The following STK32A variants were observed in gnomAD, a reference collection of about 807,000 sequenced individuals.
The protein encoded by STK32A is serine/threonine-protein kinase 32A.
A neutral mutation model predicts 53.2 loss-of-function variants in STK32A; 41 were observed. That is an observed-to-expected ratio of 0.77 (90% CI 0.60 to 1.00). STK32A has a LOEUF of 1.00. Among genes scored for constraint, STK32A ranks in the 50% least tolerant of loss-of-function variants. The pLI, the probability that STK32A is intolerant of heterozygous loss-of-function variation, is 0.00. For missense variants in STK32A, 458 were observed against 485.8 expected, an observed-to-expected ratio of 0.94 and a Z score of 0.54; for synonymous variants, 166 against 162.8, an observed-to-expected ratio of 1.02 and a Z score of -0.15.
chr5:147,240,584 G>T (rs932706545), intron 2 of STK32A, among the ~76,000 whole-genome samples: 8 of 152,176 alleles, frequency 5.3e-5, no homozygotes, highest in Non-Finnish European at 8.8e-5. Context: ...TGAGGAGATA[G>T]GTTCCTTCCC....
At chr5:147,323,744 T>C (rs1754433328) in intron 4 of STK32A, among the ~76,000 whole-genome samples, 154 bp from the exon 5 acceptor site, 1 of 152,204 alleles carries the variant, frequency 6.6e-6, no homozygotes, top group Non-Finnish European at 1.5e-5. Flanking sequence ...ACTAAAGGCC[T>C]AAGGTGATAG....
chr5:147,260,299 C>G (rs925820135), intron 2 of STK32A, among the ~76,000 whole-genome samples: 9 of 39,084 alleles, frequency 2.3e-4, no homozygotes, highest in African/African-American at 5.8e-4. Context: ...TCGCCTGTCT[C>G]TCTCTCTCTC....
At position 147,384,101 on chromosome 5, in the gene STK32A, G is replaced by A. The variant is rs185512764; in HGVS notation, c.*118G>A. 1.2e-4 allele frequency: 174 copies of A among 1,493,232 alleles called. No individual in the cohort carries two copies. In the African/African-American group the frequency reaches 2.2e-3, roughly 19 times the overall value. The allele number at this position is 1,493,232 out of a possible 1,614,324, so 92.5% of individuals were successfully genotyped here. ...ACACCATGACTTAGAAAATGTGAAT[G>A]AATATATTTCAAAAAAGGCAGCACA... On this transcript the variant is annotated 3_prime_UTR_variant, in exon 13 of 13. Coordinates refer to ENST00000397936, the MANE Select transcript of STK32A (RefSeq NM_001112724.2).
intron 10 of STK32A, among the ~76,000 whole-genome samples, chr5:147,373,714 T>C (rs1345036856): frequency 6.6e-6 from 1 of 152,148 alleles, no homozygotes; most frequent in Non-Finnish European, 1.5e-5. Context: ...GTGAGGAATT[T>C]ATTTTAGCAT....
At chr5:147,250,597 T>A (rs1753944489) in intron 2 of STK32A, among the ~76,000 whole-genome samples, 1 of 151,504 alleles carries the variant, frequency 6.6e-6, no homozygotes, top group Non-Finnish European at 1.5e-5. Flanking sequence ...TTTAGTGGAG[T>A]GTGGAGGCCT....
At chr5:147,243,147 A>T (rs1753650459) in intron 2 of STK32A, among the ~76,000 whole-genome samples, 1 of 124,224 alleles carries the variant, frequency 8.0e-6, no homozygotes, top group African/African-American at 2.9e-5. Flanking sequence ...AAAGATTTTT[A>T]AAAATATTTT....
intron 4 of STK32A, among the ~76,000 whole-genome samples, chr5:147,282,363 C>CT (rs1251333957): frequency 1.3e-5 from 2 of 152,042 alleles, no homozygotes; most frequent in Non-Finnish European, 2.9e-5. Flanking sequence ...AGCTTTAGCT[C>CT]TTTTTTGGTT....
chr5:147,371,713 T>G (rs1161205743), intron 9 of STK32A, among the ~76,000 whole-genome samples: 3 of 152,196 alleles, frequency 2.0e-5, no homozygotes, highest in Non-Finnish European at 2.9e-5. Flanking sequence ...GGACTTATCT[T>G]ATTGAAGAGG....
intron 11 of STK32A, among the ~76,000 whole-genome samples, chr5:147,379,361 ATG>A (rs1757364882): frequency 6.6e-6 from 1 of 152,060 alleles, no homozygotes; most frequent in Non-Finnish European, 1.5e-5. Flanking sequence ...AGAATCTAGG[ATG>A]TGATAAACTA....
chr5:147,400,669 C>T, the STK32A span: 1 of 1,610,270 alleles, frequency 6.2e-7, no homozygotes, highest in Non-Finnish European at 8.5e-7. Flanking sequence ...TCTGGCCACC[C>T]TCCCATGACC....
At chr5:147,257,260 G>A (rs1281026816) in intron 2 of STK32A, among the ~76,000 whole-genome samples, 1 of 151,852 alleles carries the variant, frequency 6.6e-6, no homozygotes, top group East Asian at 1.9e-4. Context: ...GCGGGGCGGG[G>A]GGTAGGACTC....
intron 2 of STK32A, chr5:147,239,902 T>C (rs1753492840): frequency 1.3e-5 from 7 of 534,306 alleles, no homozygotes; most frequent in East Asian, 3.2e-5. Flanking sequence ...ATCTCCACTA[T>C]ACCAATGTCC....
At chr5:147,394,481 A>G in the STK32A span, among the ~76,000 whole-genome samples, 15 of 152,140 alleles carry the variant, frequency 9.9e-5, no homozygotes, top group Non-Finnish European at 1.8e-4. Context: ...GGTTTGAGAG[A>G]GGTGCCCTTA....
chr5:147,269,556 A>C (rs4419634), intron 2 of STK32A, among the ~76,000 whole-genome samples: 1 of 151,958 alleles, frequency 6.6e-6, no homozygotes, highest in African/African-American at 2.4e-5. Flanking sequence ...CACTGAGGAG[A>C]GTCACGTTTA....
chr5:147,383,833 A>G (rs941747911), intron 12 of STK32A, 57 bp from the exon 13 acceptor site: 4 of 1,324,538 alleles, frequency 3.0e-6, no homozygotes, highest in Non-Finnish European at 4.1e-6. Context: ...AAAAGCTTAA[A>G]CCTTTCATTT....
chr5:147,293,973 T>G (rs888872324), intron 4 of STK32A, among the ~76,000 whole-genome samples: 2 of 152,152 alleles, frequency 1.3e-5, no homozygotes, highest in Non-Finnish European at 2.9e-5. Flanking sequence ...AACAAATCCA[T>G]ACAATCTCAG....
chr5:147,318,288 T>C (rs868787672), intron 4 of STK32A, among the ~76,000 whole-genome samples: 1 of 152,184 alleles, frequency 6.6e-6, no homozygotes, highest in Non-Finnish European at 1.5e-5. Context: ...AAAAAGAATA[T>C]AGATCTGTCT....
chr5:147,353,129 C>T (rs1756061811), intron 7 of STK32A, among the ~76,000 whole-genome samples: 1 of 149,250 alleles, frequency 6.7e-6, no homozygotes, highest in South Asian at 2.2e-4. Context: ...TGTGAGGACC[C>T]CTCTGCCTCG....
chr5:147,386,485 T>C lies in STK32A; in HGVS notation c.*2502T>C, dbSNP rs1490121866. ...TGGGAAATTTTTCTGTAATTACACT[T>C]ACCAAAGAGCCATGGAACCATTAGG... On this transcript the variant is annotated 3_prime_UTR_variant, in exon 13 of 13. Transcript: ENST00000397936. 2 of 152,190 alleles carry C rather than the reference T, an allele frequency of 1.3e-5. No individual in the cohort carries two copies. Among genetic ancestry groups the C allele is most frequent in the African/African-American group, 4.8e-5 (2 of 41,454 alleles). The allele number at this position is 152,190 out of a possible 1,614,324, so 9.4% of individuals were successfully genotyped here. A position where few individuals can be genotyped will look rare whatever the true frequency, so the allele number is the denominator to read the frequency against.
Sources: allele counts gnomAD v4.1 joint callset (sites outside exome capture counted in the v4.1 genomes callset), GRCh38; gene constraint gnomAD v4.1.1; transcripts MANE v1.5; gene names NCBI Gene and HGNC (gene_info 2026-07-23, HGNC 2026-07-21).